PDE10A: variants seen among roughly 807,000 people sequenced by gnomAD.
PDE10A encodes the protein cAMP and cAMP-inhibited cGMP 3',5'-cyclic phosphodiesterase 10A.
A neutral mutation model predicts 97.7 loss-of-function variants in PDE10A; 39 were observed. The ratio of observed to expected loss-of-function variants is 0.40; its 90% CI spans 0.31 to 0.52. The LOEUF is 0.52. PDE10A is among the 20% of genes least tolerant of loss of function. PDE10A has a pLI of 0.56. For synonymous variants in PDE10A, 371 were observed against 376.8 expected (o/e 0.98, Z 0.18); for missense variants, 731 against 1,047.8 (o/e 0.70, Z 4.17).
In PDE10A at chr6:165,902,957, T is replaced by C. The variant is rs533424026; in HGVS notation, c.-615+84572A>G. Among the ~76,000 whole-genome samples the C allele has an allele frequency of 4.9e-4, 75 of 152,358 alleles. 1 individual carries two copies. Among genetic ancestry groups the C allele is most frequent in the Non-Finnish European group, 3.2e-4 (22 of 68,042 alleles). On this transcript the variant is annotated intron_variant, in intron 1 of 19. Transcript: ENST00000366882. ...TAACTTCTGTTGTGTTTGAGCCTTTTATATGTGGCCTATTTGTTACAGCAG... is the reference window on the plus strand; with the variant it reads ...TAACTTCTGTTGTGTTTGAGCCTTTCATATGTGGCCTATTTGTTACAGCAG...
rs772882605 is a variant in PDE10A, at chr6:165,328,595, G to C, written c.*4430C>G. ...AGGAAAGAGCACGTAGGCTCTGTACGGCTTTGCAAGCCCTGCTCTCCATTG... is the reference window on the plus strand; with the variant it reads ...AGGAAAGAGCACGTAGGCTCTGTACCGCTTTGCAAGCCCTGCTCTCCATTG... On this transcript the variant is annotated 3_prime_UTR_variant, in exon 22 of 22. Transcript: ENST00000539869. The C allele has an allele frequency of 6.6e-6, 1 of 152,270 alleles. No individual in the cohort carries two copies. The highest frequency in any genetic ancestry group is 2.1e-4 in the South Asian group (1 of 4,826). 9.4% of individuals were successfully genotyped at this position (152,270 alleles called of 1,614,324 possible).
chr6:165,359,095 C>A lies in PDE10A; in HGVS notation c.2784-15593G>T, dbSNP rs190525108. 2.5e-3 allele frequency among the ~76,000 whole-genome samples: 374 copies of A among 152,112 alleles called. 2 individuals carry two copies. Among genetic ancestry groups the A allele is most frequent in the African/African-American group, 8.0e-3 (334 of 41,536 alleles). ...ATTTAATCACTACATATGATACAAA[C>A]CCTATCTTACCCTAGTATTATTTTT... On this transcript the variant is annotated intron_variant, in intron 18 of 21. Coordinates refer to ENST00000539869, the MANE Select transcript of PDE10A (RefSeq NM_001385079.1).
Position 165,894,333 on chromosome 6 carries a change from C to T in PDE10A, c.-615+93196G>A, listed in dbSNP as rs570360405. 41 of 455,888 alleles carry T rather than the reference C, an allele frequency of 9.0e-5. No individual in the cohort carries two copies. Among genetic ancestry groups the T allele is most frequent in the Middle Eastern group, 6.5e-4 (2 of 3,092 alleles). The allele number at this position is 455,888 out of a possible 1,614,324, so 28.2% of individuals were successfully genotyped here. On this transcript the variant is annotated intron_variant, in intron 1 of 19. Coordinates refer to the PDE10A transcript ENST00000366882. ...TGACAAATTTATGAGACAGCGCTAA[C>T]GCAAAAAATGACAGACTGAAACTAC...
At chr6:165,894,220 G>A in intron 1 of PDE10A, 1 of 438,474 alleles carries the variant, frequency 2.3e-6, no homozygotes, top group South Asian at 1.6e-5. Context: ...GTCTCTGGAG[G>A]AATATCATAT....
intron 1 of PDE10A, among the ~76,000 whole-genome samples, chr6:165,968,674 G>GATTTT (rs1784585189): frequency 6.6e-6 from 1 of 152,124 alleles, no homozygotes; most frequent in South Asian, 2.1e-4. Context: ...GTAAACAAGG[G>GATTTT]ATTTTAAAAT....
intron 2 of PDE10A, among the ~76,000 whole-genome samples, chr6:165,537,741 G>A (rs978575217): frequency 1.3e-5 from 2 of 151,528 alleles, no homozygotes; most frequent in Admixed American, 6.6e-5. Flanking sequence ...TTCAGATCAA[G>A]ACATTCAACA....
chr6:165,460,765 A>G (rs1583326811), intron 3 of PDE10A, among the ~76,000 whole-genome samples: 1 of 152,302 alleles, frequency 6.6e-6, no homozygotes, highest in Admixed American at 6.5e-5. Flanking sequence ...ATTTATTACA[A>G]CAATGGGGAG....
At chr6:165,365,280 C>T (rs1783698925) in intron 18 of PDE10A, among the ~76,000 whole-genome samples, 1 of 152,020 alleles carries the variant, frequency 6.6e-6, no homozygotes, top group African/African-American at 2.4e-5. Context: ...AGTTTTAAAT[C>T]TCAAGGCAAA....
intron 1 of PDE10A, among the ~76,000 whole-genome samples, chr6:165,632,200 CAAA>C (rs71552885): frequency 4.5e-5 from 3 of 67,270 alleles, no homozygotes; most frequent in Middle Eastern, 0.01. Flanking sequence ...GAGTCCATCT[CAAA>C]AAAAAAAAAA....
intron 1 of PDE10A, among the ~76,000 whole-genome samples, chr6:165,932,770 C>A (rs755840715): frequency 6.6e-6 from 1 of 152,234 alleles, no homozygotes; most frequent in Non-Finnish European, 1.5e-5. Context: ...CCACACCCGG[C>A]CTGAGCTGAA....
At chr6:165,526,044 TCC>T (rs1446803762) in intron 2 of PDE10A, among the ~76,000 whole-genome samples, 1 of 151,994 alleles carries the variant, frequency 6.6e-6, no homozygotes, top group Non-Finnish European at 1.5e-5. Context: ...GGAGGACGGG[TCC>T]CCTTGAAGAA....
chr6:165,903,411 A>C (rs1782168864), intron 1 of PDE10A, among the ~76,000 whole-genome samples: 1 of 152,160 alleles, frequency 6.6e-6, no homozygotes, highest in Non-Finnish European at 1.5e-5. Flanking sequence ...AGTTGATAGA[A>C]CTTCTTTAGG....
At chr6:165,398,897 T>A (rs1291394012) in intron 13 of PDE10A, among the ~76,000 whole-genome samples, 1 of 152,090 alleles carries the variant, frequency 6.6e-6, no homozygotes, top group East Asian at 1.9e-4. Context: ...TCAGATTGAA[T>A]AAAAAAGTAT....
chr6:165,767,874 A>G (rs2128459304), intron 1 of PDE10A, among the ~76,000 whole-genome samples: 1 of 152,280 alleles, frequency 6.6e-6, no homozygotes, highest in Non-Finnish European at 1.5e-5. Flanking sequence ...TGGCTGCACC[A>G]TTTTTACATT....
chr6:165,859,335 T>A (rs537736942), intron 1 of PDE10A, among the ~76,000 whole-genome samples: 22 of 152,358 alleles, frequency 1.4e-4, no homozygotes, highest in African/African-American at 5.1e-4. Context: ...AAATTTACCA[T>A]GAAGTACATT....
chr6:165,966,576 T>C (rs1408134399), intron 1 of PDE10A, among the ~76,000 whole-genome samples: 2 of 152,250 alleles, frequency 1.3e-5, no homozygotes, highest in Non-Finnish European at 2.9e-5. Context: ...ATGCAGTGAA[T>C]ATCGAGTCCA....
intron 3 of PDE10A, among the ~76,000 whole-genome samples, chr6:165,462,719 T>A (rs1045392499): frequency 1.3e-5 from 2 of 152,168 alleles, no homozygotes; most frequent in Non-Finnish European, 2.9e-5. Flanking sequence ...AGGAAAGCAG[T>A]ACAACCAGTC....
chr6:165,768,156 T>C (rs1343190563), intron 1 of PDE10A, among the ~76,000 whole-genome samples: 1 of 152,196 alleles, frequency 6.6e-6, no homozygotes, highest in African/African-American at 2.4e-5. Context: ...TATCGTTGAG[T>C]TGTAAAAGCT....
intron 18 of PDE10A, among the ~76,000 whole-genome samples, chr6:165,348,266 A>G (rs1782448975): frequency 6.6e-6 from 1 of 152,236 alleles, no homozygotes; most frequent in Non-Finnish European, 1.5e-5. Context: ...GAAATACATG[A>G]AAGTAAAAAT....
Sources: allele counts gnomAD v4.1 joint callset (sites outside exome capture counted in the v4.1 genomes callset), GRCh38; gene constraint gnomAD v4.1.1; transcripts MANE v1.5; gene names NCBI Gene and HGNC (gene_info 2026-07-23, HGNC 2026-07-21).